The following INVS variants were observed in gnomAD, a reference collection of about 807,000 sequenced individuals.
INVS encodes inversion of embryo turning homolog.
In INVS, 86 loss-of-function variants were observed where a neutral mutation model predicts 108.8. That is an observed-to-expected ratio of 0.79 (90% CI 0.66 to 0.95). The LOEUF (loss-of-function observed/expected upper bound fraction) is 0.95, where lower values mean the gene tolerates loss of function less well. Ranked by LOEUF, INVS falls within the 40% of genes least tolerant of loss-of-function variation. INVS has a pLI of 0.00. For missense variants in INVS, 1,169 were observed against 1,297.4 expected, an observed-to-expected ratio of 0.90 and a Z score of 1.52; for synonymous variants, 455 against 473.5, an observed-to-expected ratio of 0.96 and a Z score of 0.51.
At chr9:100,284,286 A>G in intron 12 of INVS, 34 bp from the exon 13 acceptor site, 7 of 1,612,774 alleles carry the variant, frequency 4.3e-6, no homozygotes, top group Non-Finnish European at 5.9e-6. Context: ...TACTCTTTAA[A>G]TTTTTTCATC....
At chr9:100,285,673 CG>C (rs1307341903) in intron 13 of INVS, among the ~76,000 whole-genome samples, 1 of 152,220 alleles carries the variant, frequency 6.6e-6, no homozygotes, top group African/African-American at 2.4e-5. Flanking sequence ...ACACACAACA[CG>C]TTTAATTCCT....
At chr9:100,204,211 T>C (rs1830614188) in intron 3 of INVS, among the ~76,000 whole-genome samples, 1 of 152,206 alleles carries the variant, frequency 6.6e-6, no homozygotes. Context: ...TATATTTATG[T>C]TTAGATAACT....
intron 3 of INVS, among the ~76,000 whole-genome samples, chr9:100,202,761 T>C (rs1830568597): frequency 1.3e-5 from 2 of 152,230 alleles, no homozygotes; most frequent in African/African-American, 4.8e-5. Flanking sequence ...GGCTCATTCT[T>C]GAACTTGGCT....
chr9:100,234,074 T>C (rs11496529), intron 5 of INVS, among the ~76,000 whole-genome samples: 26,906 of 152,048 alleles, frequency 0.18, 3,617 homozygotes, highest in African/African-American at 0.38. Context: ...TTCAGGGATT[T>C]GACTTCTTCC....
chr9:100,234,965 G>T (rs1831631924), intron 5 of INVS, among the ~76,000 whole-genome samples: 1 of 152,158 alleles, frequency 6.6e-6, no homozygotes, highest in Admixed American at 6.5e-5. Context: ...ACAGTGGGGT[G>T]TTAAAGTATC....
chr9:100,197,313 C>G (rs542945314), intron 3 of INVS, among the ~76,000 whole-genome samples: 2 of 152,162 alleles, frequency 1.3e-5, no homozygotes, highest in Non-Finnish European at 2.9e-5. Context: ...TAGCTCATGC[C>G]TACAATCCCA....
At chr9:100,107,652 A>G (rs1827220906) in intron 2 of INVS, among the ~76,000 whole-genome samples, 1 of 152,270 alleles carries the variant, frequency 6.6e-6, no homozygotes, top group Admixed American at 6.5e-5. Context: ...CACTTCTTCA[A>G]AGAGGCCTGC....
chr9:100,147,255 G>C (rs546777260), intron 3 of INVS, among the ~76,000 whole-genome samples: 275 of 152,164 alleles, frequency 1.8e-3, no homozygotes, highest in Non-Finnish European at 3.1e-3. Flanking sequence ...TGACTTTCTT[G>C]AACCACAAAC....
intron 13 of INVS, among the ~76,000 whole-genome samples, chr9:100,286,395 A>C (rs2787370): frequency 0.077 from 11,732 of 152,190 alleles, 619 homozygotes; most frequent in Non-Finnish European, 0.1. Flanking sequence ...CTCTACTAAA[A>C]ATATACAAAT....
intron 13 of INVS, among the ~76,000 whole-genome samples, chr9:100,285,391 T>C (rs185592607): frequency 2.6e-5 from 4 of 152,332 alleles, no homozygotes; most frequent in Admixed American, 2.6e-4. Context: ...AGAAGTTTAA[T>C]ATGATGTGTC....
Position 100,211,716 on chromosome 9 carries a change from A to G in INVS, c.274-14346A>G, listed in dbSNP as rs147108454. Among the ~76,000 whole-genome samples the G allele has an allele frequency of 1.0e-3, 153 of 152,296 alleles. 2 individuals carry two copies. In the East Asian group the frequency reaches 0.027, roughly 27 times the overall value. On this transcript the variant is annotated intron_variant, in intron 3 of 16. Coordinates refer to ENST00000262457, the MANE Select transcript of INVS (RefSeq NM_014425.5). The stretch of plus-strand genomic sequence containing the variant: ...TTCCCTCAGTCAAATCCTCTTTGAG[A>G]GCCAGAACTATTTCAAGCCAGAGAG...
chr9:100,123,020 T>G (rs1175134394), intron 2 of INVS, among the ~76,000 whole-genome samples: 1 of 152,194 alleles, frequency 6.6e-6, no homozygotes, highest in Non-Finnish European at 1.5e-5. Context: ...TATTTTTCAT[T>G]CCTGTCCTCC....
At chr9:100,269,360 C>A (rs1209938907) in intron 11 of INVS, among the ~76,000 whole-genome samples, 1 of 147,286 alleles carries the variant, frequency 6.8e-6, no homozygotes, top group Non-Finnish European at 1.5e-5. Context: ...CATTTTAGAA[C>A]TTGTAGCAAA....
chr9:100,120,143 T>C (rs1019142619), intron 2 of INVS, among the ~76,000 whole-genome samples: 1 of 152,236 alleles, frequency 6.6e-6, no homozygotes, highest in Non-Finnish European at 1.5e-5. Context: ...TGGTGGCTTA[T>C]GCCTGTAATC....
In INVS at chr9:100,272,800, G is replaced by A. The variant is rs1353734327; in HGVS notation, c.1572-64G>A. 9 of 1,413,794 alleles carry A rather than the reference G, an allele frequency of 6.4e-6. No individual in the cohort carries two copies. The East Asian group carries it at 1.6e-4, about 25-fold the overall frequency. The allele number at this position is 1,413,794 out of a possible 1,614,324, so 87.6% of individuals were successfully genotyped here. A position where few individuals can be genotyped will look rare whatever the true frequency, so the allele number is the denominator to read the frequency against. On this transcript the variant is annotated intron_variant, in intron 11 of 16. Transcript: ENST00000262457. ...CTTCTGCTGCATAATAATATTTTCA[G>A]TTTAACTGTGCCTTAAATTACATTC...
At chr9:100,222,190 A>T (rs1831173084) in intron 3 of INVS, among the ~76,000 whole-genome samples, 1 of 152,176 alleles carries the variant, frequency 6.6e-6, no homozygotes, top group Non-Finnish European at 1.5e-5. Flanking sequence ...GTTTTGTTGA[A>T]TACTACACAC....
intron 2 of INVS, among the ~76,000 whole-genome samples, chr9:100,115,105 A>G (rs976485887): frequency 1.3e-5 from 2 of 152,162 alleles, no homozygotes; most frequent in African/African-American, 4.8e-5. Context: ...AGCATTTGGT[A>G]TTGTGAAGTT....
chr9:100,132,672 G>C (rs1318232694), intron 3 of INVS, among the ~76,000 whole-genome samples: 8 of 152,180 alleles, frequency 5.3e-5, no homozygotes, highest in Admixed American at 3.3e-4. Flanking sequence ...GGATCTTCTT[G>C]TCCAATTTGT....
At chr9:100,253,383 G>C (rs1421364160) in intron 10 of INVS, among the ~76,000 whole-genome samples, 1 of 150,770 alleles carries the variant, frequency 6.6e-6, no homozygotes, top group African/African-American at 2.4e-5. Flanking sequence ...GCATACACAT[G>C]TATGCATCTA....
Sources: allele counts gnomAD v4.1 joint callset (sites outside exome capture counted in the v4.1 genomes callset), GRCh38; gene constraint gnomAD v4.1.1; transcripts MANE v1.5; gene names NCBI Gene and HGNC (gene_info 2026-07-23, HGNC 2026-07-21).